ESRRG: variants seen among roughly 807,000 people sequenced by gnomAD.
ESRRG encodes estrogen-related receptor gamma.
A neutral mutation model predicts 44.0 loss-of-function variants in ESRRG; 13 were observed. The ratio of observed to expected loss-of-function variants is 0.30; its 90% CI spans 0.19 to 0.47. The LOEUF (loss-of-function observed/expected upper bound fraction) is 0.47. Among genes scored for constraint, ESRRG ranks in the 20% least tolerant of loss-of-function variants. The probability of loss-of-function intolerance (pLI) is 1.00; values close to 1 mark genes in which losing one functional copy is unlikely to be tolerated. For missense variants in ESRRG, 395 were observed against 580.6 expected, an observed-to-expected ratio of 0.68 and a Z score of 3.29; for synonymous variants, 215 against 214.6, an observed-to-expected ratio of 1.00 and a Z score of -0.02.
chr1:216,963,484 A>C (rs183910256), intron 1 of ESRRG, among the ~76,000 whole-genome samples: 1 of 152,280 alleles, frequency 6.6e-6, no homozygotes, highest in Non-Finnish European at 1.5e-5. Flanking sequence ...ATGTTTCCTG[A>C]GGTCCTGAGG....
At chr1:216,856,781 T>C (rs995299767) in intron 2 of ESRRG, among the ~76,000 whole-genome samples, 34 of 152,200 alleles carry the variant, frequency 2.2e-4, no homozygotes, top group African/African-American at 8.2e-4. Context: ...AGAGATAGTT[T>C]ACAGTGGGCT....
At chr1:216,839,653 A>G (rs1239544514) in intron 2 of ESRRG, among the ~76,000 whole-genome samples, 5 of 152,216 alleles carry the variant, frequency 3.3e-5, no homozygotes, top group African/African-American at 1.2e-4. Context: ...TGAAACCAAC[A>G]TTCATCAACA....
chr1:216,722,656 G>C lies in ESRRG; in HGVS notation c.56+588C>G, dbSNP rs542871024. ...AAAATCTCATGTTACTTAATGGACT[G>C]ATTTGTCAGTTAAGTGCTGACTTAA... On this transcript the variant is annotated intron_variant, in intron 1 of 6. Transcript: ENST00000408911. 3.3e-5 allele frequency among the ~76,000 whole-genome samples: 5 copies of C among 152,132 alleles called. 1 individual carries two copies. In the South Asian group the frequency reaches 1.0e-3, roughly 32 times the overall value.
chr1:216,912,173 A>G (rs1433777466), intron 2 of ESRRG, among the ~76,000 whole-genome samples: 1,880 of 23,768 alleles, frequency 0.079, 114 homozygotes, highest in East Asian at 0.14. Context: ...AAGAAAAGAA[A>G]AGAAAAGAAA....
intron 1 of ESRRG, among the ~76,000 whole-genome samples, chr1:216,996,902 T>G (rs1044335452): frequency 4.6e-5 from 7 of 152,162 alleles, no homozygotes; most frequent in Admixed American, 3.3e-4. Flanking sequence ...TTTTGCAAGT[T>G]GGAAAGAATC....
chr1:216,893,513 C>T (rs1221013709), intron 2 of ESRRG, among the ~76,000 whole-genome samples: 1 of 152,106 alleles, frequency 6.6e-6, no homozygotes, highest in East Asian at 1.9e-4. Flanking sequence ...ATATTCAGCC[C>T]TCCATTCATC....
intron 1 of ESRRG, among the ~76,000 whole-genome samples, chr1:217,031,114 A>G (rs553909247): frequency 6.6e-6 from 1 of 152,238 alleles, no homozygotes; most frequent in Non-Finnish European, 1.5e-5. Flanking sequence ...CCTGAAAGCT[A>G]AAAATAGTTT....
intron 2 of ESRRG, among the ~76,000 whole-genome samples, chr1:216,939,297 C>A (rs996702180): frequency 8.4e-6 from 1 of 119,704 alleles, no homozygotes; most frequent in Non-Finnish European, 1.6e-5. Context: ...ATCACTACAA[C>A]ACATACTTGG....
intron 2 of ESRRG, chr1:216,864,959 G>A (rs1297900441): frequency 6.6e-6 from 1 of 151,986 alleles, no homozygotes; most frequent in African/African-American, 2.4e-5. Flanking sequence ...AAAAGGGCGT[G>A]ATGATTCCCA....
intron 1 of ESRRG, among the ~76,000 whole-genome samples, chr1:217,040,913 A>T (rs1018305395): frequency 6.6e-6 from 1 of 152,218 alleles, no homozygotes; most frequent in Non-Finnish European, 1.5e-5. Flanking sequence ...AAGGAAATAC[A>T]TACCAGATCA....
chr1:217,120,119 T>C (rs1266766699), intron 1 of ESRRG, among the ~76,000 whole-genome samples: 1 of 152,178 alleles, frequency 6.6e-6, no homozygotes, highest in East Asian at 1.9e-4. Context: ...AGATGCCTCC[T>C]CTTAGATTTC....
chr1:216,733,140 A>G (rs1255194122), intron 2 of ESRRG, among the ~76,000 whole-genome samples: 1 of 152,184 alleles, frequency 6.6e-6, no homozygotes, highest in Non-Finnish European at 1.5e-5. Flanking sequence ...TGTTAATAAA[A>G]TAGAACTATG....
chr1:217,046,682 G>A (rs556442785), intron 1 of ESRRG, among the ~76,000 whole-genome samples: 10 of 152,154 alleles, frequency 6.6e-5, no homozygotes, highest in East Asian at 1.9e-4. Flanking sequence ...CCAGGAGTTC[G>A]AGACCAGCCT....
At chr1:216,975,365 C>T (rs1013336133) in intron 1 of ESRRG, among the ~76,000 whole-genome samples, 5 of 152,160 alleles carry the variant, frequency 3.3e-5, no homozygotes, top group Non-Finnish European at 5.9e-5. Context: ...AAAGAAGCAA[C>T]CTCTGTTTAA....
intron 1 of ESRRG, among the ~76,000 whole-genome samples, chr1:217,057,762 G>C (rs1454002406): frequency 6.6e-6 from 1 of 152,168 alleles, no homozygotes; most frequent in Non-Finnish European, 1.5e-5. Flanking sequence ...ATGTGGCCCA[G>C]AATGACTTTG....
At chr1:216,831,654 T>A (rs1222343181) in intron 2 of ESRRG, among the ~76,000 whole-genome samples, 1 of 152,122 alleles carries the variant, frequency 6.6e-6, no homozygotes, top group Non-Finnish European at 1.5e-5. Flanking sequence ...AGATAAAAAA[T>A]TTAGATAATT....
In ESRRG at chr1:216,953,990, C is replaced by T. The variant is rs528510797; in HGVS notation, c.-105-14317G>A. The stretch of plus-strand genomic sequence containing the variant: ...TATGCAAAATCAAAAATGGCCCAGA[C>T]ACTTTATATTACTATCATTACTTTA... On this transcript the variant is annotated intron_variant, in intron 1 of 7. Transcript: ENST00000359162. Among the ~76,000 whole-genome samples the T allele has an allele frequency of 1.0e-3, 158 of 152,112 alleles. 1 individual carries two copies. The highest frequency in any genetic ancestry group is 3.6e-3 in the African/African-American group (150 of 41,538).
At chr1:216,663,503 T>C (rs1424643273) in intron 2 of ESRRG, among the ~76,000 whole-genome samples, 1 of 152,158 alleles carries the variant, frequency 6.6e-6, no homozygotes, top group East Asian at 1.9e-4. Context: ...GTAGTATTCT[T>C]TCTAGTATTA....
intron 1 of ESRRG, among the ~76,000 whole-genome samples, chr1:216,984,337 C>T (rs941317594): frequency 3.3e-5 from 5 of 152,154 alleles, no homozygotes; most frequent in African/African-American, 9.7e-5. Context: ...CCCACACAAG[C>T]TGACAATAGC....
Sources: gnomAD v4.1 joint callset for allele counts (sites outside exome capture counted in the v4.1 genomes callset) on GRCh38, gnomAD v4.1.1 for gene constraint, MANE v1.5 for transcripts, NCBI Gene and HGNC (gene_info 2026-07-23, HGNC 2026-07-21) for gene names.